Variants in SLC26A1 observed in about 807,000 individuals in gnomAD.
The protein encoded by SLC26A1 is sulfate anion transporter 1.
In SLC26A1, 18 loss-of-function variants were observed where a neutral mutation model predicts 14.5. That is an observed-to-expected ratio of 1.24 (90% CI 0.86 to 1.84). The LOEUF is 1.84. SLC26A1 is among the 40% of genes most tolerant of loss of function. The pLI, the probability that SLC26A1 is intolerant of heterozygous loss-of-function variation, is 0.00. For synonymous variants in SLC26A1, 505 were observed against 492.0 expected, an observed-to-expected ratio of 1.03 and a Z score of -0.35; for missense variants, 1,049 against 1,020.0, an observed-to-expected ratio of 1.03 and a Z score of -0.39.
In SLC26A1 at chr4:980,221, A is replaced by G. The variant is rs561675109; in HGVS notation, c.577-717T>C. On this transcript the variant is annotated intron_variant, in intron 2 of 2. Coordinates refer to the SLC26A1 transcript ENST00000398520. ...GACACTGGCTTTGTGTGACTGTGAG[A>G]AGGAGGCACCTGTGGGCTCTGGAGG... 2.3e-4 allele frequency among the ~76,000 whole-genome samples: 35 copies of G among 150,920 alleles called. 1 individual carries two copies. The South Asian group carries it at 2.9e-3, about 13-fold the overall frequency.
At chr4:979,435 G>A (rs1713472292) in exon 3 of SLC26A1, 2 of 1,601,018 alleles carry the variant, frequency 1.2e-6, no homozygotes, top group Non-Finnish European at 8.6e-7. Context: ...TCTTCCAGAA[G>A]TTCCTGCGAG....
downstream of SLC26A1, chr4:987,627 C>G (rs564451958): frequency 6.9e-7 from 1 of 1,444,104 alleles, no homozygotes; most frequent in Non-Finnish European, 9.1e-7. Context: ...CTGCTGCTGC[C>G]GTTCCCCATG....
rs1402085193 is a variant in SLC26A1, at chr4:988,707, G to A, written c.*126C>T. On this transcript the variant is annotated 3_prime_UTR_variant, in exon 3 of 3. Coordinates refer to ENST00000398516, the MANE Select transcript of SLC26A1 (RefSeq NM_022042.4). The stretch of plus-strand genomic sequence containing the variant: ...GTTGGGGTTCCCCGGTTTCCCCAGG[G>A]CAGCTGTGGCACAAGAGTGCAGCTC... 5 of 1,417,320 alleles carry A rather than the reference G, an allele frequency of 3.5e-6. No homozygotes were observed. In the African/African-American group the frequency reaches 7.3e-5, roughly 21 times the overall value. 87.8% of individuals were successfully genotyped at this position (1,417,320 alleles called of 1,614,324 possible). A position where few individuals can be genotyped will look rare whatever the true frequency, so the allele number is the denominator to read the frequency against.
chr4:992,260 T>C (rs759147924), intron 1 of SLC26A1: 73 of 454,514 alleles, frequency 1.6e-4, no homozygotes, highest in Non-Finnish European at 2.6e-4. Flanking sequence ...GTCCACCCCA[T>C]GCCCACACCA....
intron 2 of SLC26A1, among the ~76,000 whole-genome samples, chr4:980,156 T>A (rs564839986): frequency 6.6e-6 from 1 of 152,164 alleles, no homozygotes; most frequent in East Asian, 1.9e-4. Flanking sequence ...CGGCAGCCCC[T>A]GGTCGGCCAG....
chr4:989,144 T>C lies in SLC26A1; in HGVS notation c.1795A>G (p.Arg599Gly). 1 of 1,607,902 alleles carries C rather than the reference T, an allele frequency of 6.2e-7. No individual in the cohort carries two copies. The highest frequency in any genetic ancestry group is 8.5e-7 in the Non-Finnish European group (1 of 1,177,020). ...GCCGCTGCGGGCACCAGCGCAGCCCTGGTGCTAACCGGGCCCAGGTCCTCG... is the reference window on the plus strand; with the variant it reads ...GCCGCTGCGGGCACCAGCGCAGCCCCGGTGCTAACCGGGCCCAGGTCCTCG... Reference protein sequence around the residue: ...QGEDLGPVSTRAALVPAAAGF... With the variant: ...QGEDLGPVSTGAALVPAAAGF... Residue 599 changes from arginine to glycine, a missense_variant, in exon 3 of 3, where the codon AGG (arginine) becomes GGG (glycine). Transcript: ENST00000398516.
rs200297109 is a variant in SLC26A1, at chr4:989,903, C to T, written c.1036G>A (p.Val346Met). Residue 346 changes from valine to methionine, a missense_variant, in exon 3 of 3, where the codon GTG (valine) becomes ATG (methionine). Physicochemically the swap from Val to Met is conservative, Grantham distance 21. Transcript: ENST00000398516. Reference protein sequence around the residue: ...RLMQRVALDAVALALVAAAFS... With the variant: ...RLMQRVALDAMALALVAAAFS... ...GCGGCAGCCACGAGGGCCAGGGCCACGGCATCCAAAGCCACACGCTGCATC... is the reference window on the plus strand; with the variant it reads ...GCGGCAGCCACGAGGGCCAGGGCCATGGCATCCAAAGCCACACGCTGCATC... 58 of 1,564,684 alleles carry T rather than the reference C, an allele frequency of 3.7e-5. No individual in the cohort carries two copies. Among genetic ancestry groups the T allele is most frequent in the South Asian group, 1.9e-4 (16 of 85,198 alleles).
chr4:980,780 C>T (rs1017110606), intron 2 of SLC26A1, among the ~76,000 whole-genome samples: 4 of 151,926 alleles, frequency 2.6e-5, no homozygotes, highest in Non-Finnish European at 2.9e-5. Context: ...CTCCTTCCCT[C>T]TTATCAGCCA....
downstream of SLC26A1, chr4:987,284 G>GA (rs1377297815): frequency 8.0e-6 from 12 of 1,499,214 alleles, no homozygotes; most frequent in Non-Finnish European, 1.1e-5. Context: ...GCCGCACGGG[G>GA]AGAGCTCGGG....
chr4:980,726 G>A (rs1467167911), intron 2 of SLC26A1, among the ~76,000 whole-genome samples: 1 of 151,928 alleles, frequency 6.6e-6, no homozygotes, highest in Non-Finnish European at 1.5e-5. Flanking sequence ...AAGAAGGAAG[G>A]ATTACGCTGC....
chr4:985,305 G>A (rs1046667276), downstream of SLC26A1, among the ~76,000 whole-genome samples: 41 of 152,266 alleles, frequency 2.7e-4, no homozygotes, highest in Non-Finnish European at 1.6e-4. Flanking sequence ...GCCCCAAAGC[G>A]GGCCCCGCCC....
At chr4:980,660 C>T (rs200197155) in intron 2 of SLC26A1, among the ~76,000 whole-genome samples, 1 of 151,070 alleles carries the variant, frequency 6.6e-6, no homozygotes, top group East Asian at 1.9e-4. Context: ...ATTCTACGCA[C>T]CTTGAGATAT....
At chr4:982,578 T>C (rs1048260278) in intron 2 of SLC26A1, among the ~76,000 whole-genome samples, 1 of 152,216 alleles carries the variant, frequency 6.6e-6, no homozygotes, top group Non-Finnish European at 1.5e-5. Context: ...GTGCCAGGCG[T>C]GGTCTCAGCC....
chr4:988,523 G>T lies in SLC26A1; in HGVS notation c.*310C>A. ...TGGCGGGGGACCCTTGTTCAAATAA[G>T]ATGTCAACCCTGAGCGTCAGGTCAG... is the stretch of plus-strand genomic sequence containing the variant. On this transcript the variant is annotated 3_prime_UTR_variant, in exon 3 of 3. Coordinates refer to ENST00000398516, the MANE Select transcript of SLC26A1 (RefSeq NM_022042.4). 8.3e-7 allele frequency: 1 copy of T among 1,199,554 alleles called. No individual in the cohort carries two copies. Among genetic ancestry groups the T allele is most frequent in the Non-Finnish European group, 1.0e-6 (1 of 964,776 alleles). The allele number at this position is 1,199,554 out of a possible 1,614,324, so 74.3% of individuals were successfully genotyped here. A position where few individuals can be genotyped will look rare whatever the true frequency, so the allele number is the denominator to read the frequency against.
At chr4:990,605 A>G (rs1438944750) in intron 2 of SLC26A1, 4 of 569,010 alleles carry the variant, frequency 7.0e-6, no homozygotes, top group Non-Finnish European at 6.3e-6. Context: ...CTGGCCATAG[A>G]CACGTCTAAC....
Position 991,580 on chromosome 4 carries a change from T to C in SLC26A1, c.124A>G (p.Ser42Gly), listed in dbSNP as rs1427971155. ...ACCAGCGCCCGGACGCACAGCACAC[T>C]GCACGAGCAGCTGCACCACAGCCTG... ...KARLWCSCSC[S>G]VLCVRALVQD... Residue 42 changes from serine (S) to glycine (G), a missense_variant, in exon 2 of 3, where the codon AGT becomes GGT. Coordinates refer to ENST00000398516, the MANE Select transcript of SLC26A1 (RefSeq NM_022042.4). The C allele has an allele frequency of 6.2e-7, 1 of 1,600,228 alleles. No individual in the cohort carries two copies. The highest frequency in any genetic ancestry group is 8.5e-7 in the Non-Finnish European group (1 of 1,177,352).
rs1229028402 is a variant in SLC26A1 at position 988,897 on chromosome 4, T to C, written c.2042A>G (p.His681Arg). 1 of 1,604,790 alleles carries C rather than the reference T, an allele frequency of 6.2e-7. No homozygotes were observed. Among genetic ancestry groups the C allele is most frequent in the Admixed American group, 1.7e-5 (1 of 59,046 alleles). ...GGCTCGTGCTGTCTGCACGGCATCG[T>C]GCACACTGAGGAACAGCTGCTCCTC... is the stretch of plus-strand genomic sequence containing the variant. ...AEEEQLFLSV[H>R]DAVQTARARH... Residue 681 changes from histidine (H) to arginine (R), a missense_variant, in exon 3 of 3, where the codon CAC (histidine) becomes CGC (arginine). Coordinates refer to ENST00000398516, the MANE Select transcript of SLC26A1 (RefSeq NM_022042.4).
At chr4:979,353 G>T in exon 3 of SLC26A1, 2 of 1,019,730 alleles carry the variant, frequency 2.0e-6, no homozygotes, top group Non-Finnish European at 3.0e-6. Context: ...TCGTGAGGCT[G>T]GTGTGAGGGT....
In SLC26A1 at chr4:990,310, G is replaced by C. The variant is rs1375918658; in HGVS notation, c.629C>G (p.Pro210Arg). 6.2e-7 allele frequency: 1 copy of C among 1,604,964 alleles called. No homozygotes were observed. Among genetic ancestry groups the C allele is most frequent in the Non-Finnish European group, 8.5e-7 (1 of 1,177,308 alleles). ...CCCCATGGCAAAGCCATCGAGCAGT[G>C]GCTGTGAGAGGTAGGCGGACACGAA... is the stretch of plus-strand genomic sequence containing the variant. ...LGFVSAYLSQ[P>R]LLDGFAMGAS... Residue 210 changes from proline to arginine, a missense_variant, in exon 3 of 3, where the codon CCA becomes CGA. Transcript: ENST00000398516.
Sources: allele counts gnomAD v4.1 joint callset (sites outside exome capture counted in the v4.1 genomes callset), GRCh38; gene constraint gnomAD v4.1.1; transcripts MANE v1.5; gene names NCBI Gene and HGNC (gene_info 2026-07-23, HGNC 2026-07-21).